Variants in ZNF551 observed in about 807,000 individuals in gnomAD.
ZNF551 encodes KOX 23 protein (56 AA).
In ZNF551, 5 loss-of-function variants were observed where a neutral mutation model predicts 7.9. The observed-to-expected ratio is 0.63, with a 90% CI of 0.33 to 1.33. The LOEUF (loss-of-function observed/expected upper bound fraction) is 1.33, where lower values mean the gene tolerates loss of function less well. ZNF551 is among the 40% of genes most tolerant of loss of function. ZNF551 has a pLI of 0.05. For synonymous variants in ZNF551, 287 were observed against 277.3 expected (o/e 1.03, Z -0.35); for missense variants, 788 against 825.2 (o/e 0.95, Z 0.55).
chr19:57,686,974 C>T lies in ZNF551; in HGVS notation c.699C>T (p.Ser233=). 6.2e-7 allele frequency: 1 copy of T among 1,614,172 alleles called. No homozygotes were observed. The highest frequency in any genetic ancestry group is 8.5e-7 in the Non-Finnish European group (1 of 1,180,042). The change falls in exon 3 of 3, where the codon AGC becomes AGT. Residue 233 remains serine (S), a synonymous_variant. Coordinates refer to ENST00000282296, the MANE Select transcript of ZNF551 (RefSeq NM_138347.5). ...GGGGTGAATACAGAAAAGCTTCAAGCCACAAACACACACTTGTTCAGCATC... is the reference window on the plus strand; with the variant it reads ...GGGGTGAATACAGAAAAGCTTCAAGTCACAAACACACACTTGTTCAGCATC... ...YKWGEYRKAS[S]HKHTLVQHQS...
Position 57,688,440 on chromosome 19 carries a change from A to G in ZNF551, c.*152A>G, listed in dbSNP as rs921664705. The G allele has an allele frequency of 1.7e-5, 18 of 1,085,094 alleles. No individual in the cohort carries two copies. The highest frequency in any genetic ancestry group is 2.3e-5 in the Non-Finnish European group (18 of 772,992). The allele number at this position is 1,085,094 out of a possible 1,614,324, so 67.2% of individuals were successfully genotyped here. A position where few individuals can be genotyped will look rare whatever the true frequency, so the allele number is the denominator to read the frequency against. On this transcript the variant is annotated 3_prime_UTR_variant, in exon 3 of 3. Transcript: ENST00000282296. The stretch of plus-strand genomic sequence containing the variant: ...GGGAAGCTCTGAGGAGGTTCATTGT[A>G]ATTTCTAATCTGCCGAGGCCTATAG...
Position 57,689,837 on chromosome 19 carries a change from G to T in ZNF551, c.*1549G>T, listed in dbSNP as rs1799864479. 6.6e-6 allele frequency: 1 copy of T among 152,362 alleles called. No individual in the cohort carries two copies. The highest frequency in any genetic ancestry group is 1.5e-5 in the Non-Finnish European group (1 of 68,284). The allele number at this position is 152,362 out of a possible 1,614,324, so 9.4% of individuals were successfully genotyped here. A position where few individuals can be genotyped will look rare whatever the true frequency, so the allele number is the denominator to read the frequency against. Reference sequence around the variant, plus strand: ...GAAAATAGTCTATAAAGGTTTTGTGGCTCCTTGTATCCTGTCTGGGCTGTT... The same window carrying T: ...GAAAATAGTCTATAAAGGTTTTGTGTCTCCTTGTATCCTGTCTGGGCTGTT... On this transcript the variant is annotated 3_prime_UTR_variant, in exon 3 of 3. Coordinates refer to ENST00000282296, the MANE Select transcript of ZNF551 (RefSeq NM_138347.5).
chr19:57,686,422 AC>A (rs1984554270), intron 2 of ZNF551, 58 bp from the exon 3 acceptor site: 9 of 1,566,710 alleles, frequency 5.7e-6, no homozygotes, highest in Non-Finnish European at 7.8e-6. Context: ...TTTTTGTGAT[AC>A]ATCTTTCTCC....
Position 57,688,653 on chromosome 19 carries a change from C to A in ZNF551, c.*365C>A. 1 of 217,598 alleles carries A rather than the reference C, an allele frequency of 4.6e-6. No individual in the cohort carries two copies. The highest frequency in any genetic ancestry group is 9.3e-6 in the Non-Finnish European group (1 of 107,182). The allele number at this position is 217,598 out of a possible 1,614,324, so 13.5% of individuals were successfully genotyped here. ...AGCATGTAGGGTCTTCATGTCTTTT[C>A]TCTGACTTTAGAGTATACACCTGAC... On this transcript the variant is annotated 3_prime_UTR_variant, in exon 3 of 3. Transcript: ENST00000282296.
rs375363753 is a variant in ZNF551, at chr19:57,682,666, T to G, written c.81+422T>G. On this transcript the variant is annotated intron_variant, in intron 1 of 2. Transcript: ENST00000282296. The stretch of plus-strand genomic sequence containing the variant: ...GAAGAGAGGTAATAGTAGTTAGGCA[T>G]AGGAAGACTGAGTTCTTGTCCAAGC... Among the ~76,000 whole-genome samples the G allele has an allele frequency of 2.0e-5, 3 of 152,160 alleles. No homozygotes were observed. The South Asian group carries it at 6.2e-4, about 32-fold the overall frequency.
intron 1 of ZNF551, among the ~76,000 whole-genome samples, chr19:57,683,625 C>T (rs1269400214): frequency 6.6e-6 from 1 of 152,052 alleles, no homozygotes; most frequent in East Asian, 1.9e-4. Context: ...GGGAAGCCTG[C>T]TCACAATGAT....
chr19:57,682,689 A>G (rs1318282168), intron 1 of ZNF551, among the ~76,000 whole-genome samples: 1 of 152,154 alleles, frequency 6.6e-6, no homozygotes, highest in Non-Finnish European at 1.5e-5. Flanking sequence ...TTCTTGTCCA[A>G]GCTCACGCAG....
chr19:57,689,312 T>C lies in ZNF551; in HGVS notation c.*1024T>C, dbSNP rs1984691379. On this transcript the variant is annotated 3_prime_UTR_variant, in exon 3 of 3. Coordinates refer to ENST00000282296, the MANE Select transcript of ZNF551 (RefSeq NM_138347.5). ...ACTGGTGCCATTTGTTGTCAGACTA[T>C]AGGTGTGGAGGTGAAATTACAGGTT... 6.6e-6 allele frequency: 1 copy of C among 152,008 alleles called. No individual in the cohort carries two copies. The highest frequency in any genetic ancestry group is 2.1e-4 in the South Asian group (1 of 4,820). The allele number at this position is 152,008 out of a possible 1,614,324, so 9.4% of individuals were successfully genotyped here.
chr19:57,688,220 G>T lies in ZNF551; in HGVS notation c.1945G>T (p.Gly649Trp). The change falls in exon 3 of 3, where the codon GGG becomes TGG. Residue 649 changes from glycine to tryptophan, a missense_variant. Coordinates refer to ENST00000282296, the MANE Select transcript of ZNF551 (RefSeq NM_138347.5). ...GERPYECSEC[G>W]KSFSRKSNLI... ...AAGGCCTTATGAATGCAGTGAATGT[G>T]GGAAATCCTTTAGCCGCAAATCTAA... 3 of 1,614,262 alleles carry T rather than the reference G, an allele frequency of 1.9e-6. No homozygotes were observed. The highest frequency in any genetic ancestry group is 4.5e-5 in the East Asian group (2 of 44,890).
At position 57,688,081 on chromosome 19, in the gene ZNF551, C is replaced by T; in HGVS notation, c.1806C>T (p.Leu602=). The change falls in exon 3 of 3, where the codon CTC becomes CTT. Residue 602 remains leucine (L), a synonymous_variant. Transcript: ENST00000282296. ...CGKSFSQSSS[L]IQHQRGHTGE... ...AATCCTTTAGCCAGAGCTCTAGCCT[C>T]ATTCAACACCAGAGAGGTCACACTG... is the stretch of plus-strand genomic sequence containing the variant. 3 of 1,613,930 alleles carry T rather than the reference C, an allele frequency of 1.9e-6. No individual in the cohort carries two copies. Among genetic ancestry groups the T allele is most frequent in the African/African-American group, 1.3e-5 (1 of 74,970 alleles).
At position 57,682,003 on chromosome 19, in the gene ZNF551, G is replaced by T; in HGVS notation, c.-161G>T. 1 of 695,016 alleles carries T rather than the reference G, an allele frequency of 1.4e-6. No individual in the cohort carries two copies. The highest frequency in any genetic ancestry group is 3.0e-5 in the East Asian group (1 of 33,556). The allele number at this position is 695,016 out of a possible 1,614,324, so 43.1% of individuals were successfully genotyped here. A position where few individuals can be genotyped will look rare whatever the true frequency, so the allele number is the denominator to read the frequency against. ...GAACTTCCGGCGTCCTCCTCGTGGC[G>T]GTCATTTTGGCCTCTGTCCTGTTTG... On this transcript the variant is annotated 5_prime_UTR_variant, in exon 1 of 3. Coordinates refer to ENST00000282296, the MANE Select transcript of ZNF551 (RefSeq NM_138347.5).
At chr19:57,685,163 C>T in intron 1 of ZNF551, 99 bp from the exon 2 acceptor site, 1 of 1,533,718 alleles carries the variant, frequency 6.5e-7, no homozygotes. Context: ...GTTATCTCCG[C>T]TGAGGTGGGC....
intron 2 of ZNF551, among the ~76,000 whole-genome samples, chr19:57,686,022 AGT>A (rs746443505): frequency 5.3e-5 from 8 of 152,318 alleles, no homozygotes; most frequent in Admixed American, 3.3e-4. Flanking sequence ...TCGTGGTCTC[AGT>A]GTGTCACTTG....
At position 57,682,160 on chromosome 19, in the gene ZNF551, T is replaced by G. The variant is rs1984403740; in HGVS notation, c.-4T>G. 1 of 1,548,140 alleles carries G rather than the reference T, an allele frequency of 6.5e-7. No homozygotes were observed. The highest frequency in any genetic ancestry group is 8.7e-7 in the Non-Finnish European group (1 of 1,146,730). On this transcript the variant is annotated 5_prime_UTR_variant, in exon 1 of 3. Coordinates refer to ENST00000282296, the MANE Select transcript of ZNF551 (RefSeq NM_138347.5). ...AGGCCCGGGATAGGGACTGTTGTGT[T>G]CGAATGCCCGCCCCGGTCGGCCGCC...
At position 57,685,372 on chromosome 19, in the gene ZNF551, T is replaced by G; in HGVS notation, c.192T>G (p.His64Gln). 6.2e-7 allele frequency: 1 copy of G among 1,614,098 alleles called. No individual in the cohort carries two copies. Among genetic ancestry groups the G allele is most frequent in the Non-Finnish European group, 8.5e-7 (1 of 1,179,962 alleles). ...ATGTGATGCTGGAGAACTTTGCACA[T>G]GTAACATCCCTGGGTAAGGCCCTAG... ...YCDVMLENFA[H>Q]VTSLGYCHGM... The change falls in exon 2 of 3, where the codon CAT becomes CAG. Residue 64 changes from histidine (H) to glutamine (Q), a missense_variant. Physicochemically the swap from His to Gln is conservative, Grantham distance 24. Transcript: ENST00000282296.
intron 2 of ZNF551, 115 bp downstream of exon 2, chr19:57,685,500 G>A: frequency 6.6e-7 from 1 of 1,513,714 alleles, no homozygotes; most frequent in Non-Finnish European, 9.2e-7. Context: ...TCTTCCCCCT[G>A]TCAGGATGAC....
chr19:57,690,366 GATAC>G lies in ZNF551; in HGVS notation c.*2084_*2087del, dbSNP rs1984721546. The G allele has an allele frequency of 9.9e-6, 1 of 100,978 alleles. No homozygotes were observed. Among genetic ancestry groups the G allele is most frequent in the Non-Finnish European group, 1.9e-5 (1 of 52,396 alleles). 6.3% of individuals were successfully genotyped at this position (100,978 alleles called of 1,614,324 possible). ...TTGCATTTTCTGGAGTTTTTACTGA[GATAC>G]ATACACACACACACACACACACACA... On this transcript the variant is annotated 3_prime_UTR_variant, in exon 3 of 3. Transcript: ENST00000282296.
intron 1 of ZNF551, among the ~76,000 whole-genome samples, chr19:57,684,133 T>A (rs1984476581): frequency 6.6e-6 from 1 of 152,094 alleles, no homozygotes; most frequent in African/African-American, 2.4e-5. Flanking sequence ...TGGGTGAGGT[T>A]GAAGCAAGGA....
At position 57,687,136 on chromosome 19, in the gene ZNF551, C is replaced by G; in HGVS notation, c.861C>G (p.Ser287=). The stretch of plus-strand genomic sequence containing the variant: ...TTGAGTGTAGTGAATGTGAGGAATC[C>G]TTTAGCAAAAAGTGCCACCTAATCT... ...KMFECSECEE[S]FSKKCHLILH... Residue 287 remains serine (S), a synonymous_variant, in exon 3 of 3, where the codon TCC becomes TCG. Transcript: ENST00000282296. The G allele has an allele frequency of 6.2e-7, 1 of 1,614,214 alleles. No homozygotes were observed. The highest frequency in any genetic ancestry group is 8.5e-7 in the Non-Finnish European group (1 of 1,180,040).
Sources: allele counts gnomAD v4.1 joint callset (sites outside exome capture counted in the v4.1 genomes callset), GRCh38; gene constraint gnomAD v4.1.1; transcripts MANE v1.5; gene names NCBI Gene and HGNC (gene_info 2026-07-23, HGNC 2026-07-21).